Variants in PCDHGA3 observed in about 807,000 individuals in gnomAD.
The protein encoded by PCDHGA3 is protocadherin gamma-A3.
PCDHGA3 carries 40 observed loss-of-function variants against 58.5 expected under a neutral mutation model. That is an observed-to-expected ratio of 0.68 (90% CI 0.53 to 0.89). PCDHGA3 has a LOEUF of 0.89. Ranked by LOEUF, PCDHGA3 falls within the 40% of genes least tolerant of loss-of-function variation. The pLI is 0.00. For synonymous variants in PCDHGA3, 530 were observed against 525.7 expected (o/e 1.01, Z -0.11); for missense variants, 1,223 against 1,195.9 (o/e 1.02, Z -0.33).
At chr5:141,351,856 C>G (rs1177291995) in intron 1 of PCDHGA3, 3 of 1,613,094 alleles carry the variant, frequency 1.9e-6, no homozygotes, top group Non-Finnish European at 1.7e-6. Context: ...AGGCCAGGGA[C>G]CAGGGCTCCC....
chr5:141,445,276 C>T (rs761058385), intron 1 of PCDHGA3, among the ~76,000 whole-genome samples: 1 of 152,218 alleles, frequency 6.6e-6, no homozygotes, highest in Non-Finnish European at 1.5e-5. Flanking sequence ...AACCACTCTG[C>T]ATAAGTTCAG....
intron 1 of PCDHGA3, among the ~76,000 whole-genome samples, chr5:141,397,240 T>C (rs1291416263): frequency 6.6e-6 from 1 of 152,176 alleles, no homozygotes; most frequent in Non-Finnish European, 1.5e-5. Flanking sequence ...AAGAGCAACG[T>C]AGTAGGGTAT....
At chr5:141,352,519 C>G (rs1338121700) in intron 1 of PCDHGA3, 2 of 1,613,892 alleles carry the variant, frequency 1.2e-6, no homozygotes, top group Non-Finnish European at 1.7e-6. Context: ...TATGTATTGC[C>G]TCTCATTCTG....
rs552257647 is a variant in PCDHGA3 at position 141,389,615 on chromosome 5, G to T, written c.2424+43158G>T. The T allele has an allele frequency of 4.3e-6, 7 of 1,612,854 alleles. No homozygotes were observed. In the African/African-American group the frequency reaches 8.0e-5, roughly 18 times the overall value. On this transcript the variant is annotated intron_variant, in intron 1 of 3. Transcript: ENST00000253812. The stretch of plus-strand genomic sequence containing the variant: ...GCTCTGCGCTCTTCGATATGGTGCC[G>T]CACGCTGCAGAGCCTGGCTACTTGG...
chr5:141,449,283 A>C (rs937339676), intron 1 of PCDHGA3, among the ~76,000 whole-genome samples: 1 of 152,102 alleles, frequency 6.6e-6, no homozygotes, highest in African/African-American at 2.4e-5. Flanking sequence ...CTTCACCCGG[A>C]TGCACCGGGT....
chr5:141,506,109 A>G (rs1027886504), intron 3 of PCDHGA3, among the ~76,000 whole-genome samples: 5 of 152,126 alleles, frequency 3.3e-5, no homozygotes, highest in Middle Eastern at 3.2e-3. Flanking sequence ...GTCCCTGAAG[A>G]GTCACTAGGG....
rs112486508 is a variant in PCDHGA3 at position 141,345,956 on chromosome 5, C to T, written c.1923C>T (p.Ser641=). ...TGGACAGAGACGCGCTCAAGCAGAGCCTCGTGGTGGCCGTCCAGGACCACG... is the reference window on the plus strand; with the variant it reads ...TGGACAGAGACGCGCTCAAGCAGAGTCTCGTGGTGGCCGTCCAGGACCACG... ...ALLDRDALKQ[S]LVVAVQDHGQ... Residue 641 remains serine, a synonymous_variant, in exon 1 of 4, where the codon AGC becomes AGT. Coordinates refer to ENST00000253812, the MANE Select transcript of PCDHGA3 (RefSeq NM_018916.4). 0.038 allele frequency: 60,170 copies of T among 1,575,464 alleles called. 1,872 individuals are homozygous for T. Among genetic ancestry groups the T allele is most frequent in the African/African-American group, 0.21 (14,836 of 71,794 alleles).
rs2099718995 is a variant in PCDHGA3 at position 141,491,523 on chromosome 5, G to A, written c.2425-3284G>A. On this transcript the variant is annotated intron_variant, in intron 1 of 3. Transcript: ENST00000253812. This position sits in a 1 kb window ranked among gnomAD's most constrained non-coding sequence, Gnocchi z 6.9. ...CGGACGGCACGCTCAAGTACATGGAGGTGACGCTGCGGCCCACAGACTCGC... is the reference window on the plus strand; with the variant it reads ...CGGACGGCACGCTCAAGTACATGGAAGTGACGCTGCGGCCCACAGACTCGC... The A allele has an allele frequency of 3.1e-6, 5 of 1,613,954 alleles. No individual in the cohort carries two copies. The highest frequency in any genetic ancestry group is 3.4e-6 in the Non-Finnish European group (4 of 1,180,032).
chr5:141,356,494 C>G, intron 1 of PCDHGA3: 1 of 1,613,998 alleles, frequency 6.2e-7, no homozygotes, highest in Non-Finnish European at 8.5e-7. Flanking sequence ...AACTCCTCCA[C>G]TGTCTACAGA....
At chr5:141,453,046 T>C (rs1561950003) in intron 1 of PCDHGA3, among the ~76,000 whole-genome samples, 1 of 152,186 alleles carries the variant, frequency 6.6e-6, no homozygotes, top group Non-Finnish European at 1.5e-5. Context: ...GTTTCTATTA[T>C]GTGCAGTTTT....
chr5:141,372,404 G>C (rs761162819), intron 1 of PCDHGA3: 4 of 1,613,930 alleles, frequency 2.5e-6, no homozygotes, highest in Admixed American at 3.3e-5. Flanking sequence ...GCTTGCAAGA[G>C]ATACAACCTG....
chr5:141,368,108 T>C (rs1244869694), intron 1 of PCDHGA3, among the ~76,000 whole-genome samples: 1 of 152,216 alleles, frequency 6.6e-6, no homozygotes, highest in African/African-American at 2.4e-5. Context: ...TTCAGATGTT[T>C]CTTATTAAAA....
At chr5:141,389,338 T>C in intron 1 of PCDHGA3, 1 of 1,613,982 alleles carries the variant, frequency 6.2e-7, no homozygotes, top group South Asian at 1.1e-5. Flanking sequence ...AACGGCCAAG[T>C]CTCTTACTGC....
rs772000812 is a variant in PCDHGA3, at chr5:141,478,304, C to T, written c.2425-16503C>T. The T allele has an allele frequency of 8.1e-6, 13 of 1,614,108 alleles. No individual in the cohort carries two copies. In the Middle Eastern group the frequency reaches 1.2e-3, roughly 143 times the overall value. On this transcript the variant is annotated intron_variant, in intron 1 of 3. Coordinates refer to ENST00000253812, the MANE Select transcript of PCDHGA3 (RefSeq NM_018916.4). The stretch of plus-strand genomic sequence containing the variant: ...GCAGTCTAGAGACCTATACCGAGCC[C>T]CGGTGAGCTCACTGTACCGAACACC...
chr5:141,355,458 C>A, intron 1 of PCDHGA3: 2 of 1,614,050 alleles, frequency 1.2e-6, no homozygotes, highest in Non-Finnish European at 1.7e-6. Context: ...CCTTGGTCAC[C>A]GCGGGTAGGA....
intron 1 of PCDHGA3, chr5:141,370,205 T>C (rs1766739640): frequency 3.7e-6 from 2 of 547,650 alleles, no homozygotes; most frequent in South Asian, 6.6e-5. Flanking sequence ...GTGCAAAATA[T>C]TGGCTCCTCC....
intron 1 of PCDHGA3, among the ~76,000 whole-genome samples, chr5:141,420,624 CTCAA>C (rs1561789527): frequency 1.3e-5 from 2 of 152,278 alleles, no homozygotes; most frequent in Admixed American, 1.3e-4. Context: ...TCTTCATTTA[CTCAA>C]TAAAGGAACC....
Position 141,491,819 on chromosome 5 carries a change from G to C in PCDHGA3, c.2425-2988G>C. The C allele has an allele frequency of 6.7e-7, 1 of 1,482,028 alleles. No individual in the cohort carries two copies. Among genetic ancestry groups the C allele is most frequent in the Non-Finnish European group, 9.0e-7 (1 of 1,116,648 alleles). The allele number at this position is 1,482,028 out of a possible 1,614,324, so 91.8% of individuals were successfully genotyped here. A position where few individuals can be genotyped will look rare whatever the true frequency, so the allele number is the denominator to read the frequency against. On this transcript the variant is annotated intron_variant, in intron 1 of 3. Transcript: ENST00000253812. This position sits in a 1 kb window ranked among gnomAD's most constrained non-coding sequence, Gnocchi z 6.9. ...TCCGGCCGGCTTGGTCGCTGGCTGCGCTCCACCCGATTCTCGGGATCATTG... is the reference window on the plus strand; with the variant it reads ...TCCGGCCGGCTTGGTCGCTGGCTGCCCTCCACCCGATTCTCGGGATCATTG...
At chr5:141,449,022 A>G (rs2154562454) in intron 1 of PCDHGA3, among the ~76,000 whole-genome samples, 1 of 152,312 alleles carries the variant, frequency 6.6e-6, no homozygotes, top group Admixed American at 6.5e-5. Context: ...GTTGCTTAGC[A>G]TTCCTTTGGA....
Sources: allele counts gnomAD v4.1 joint callset (sites outside exome capture counted in the v4.1 genomes callset), GRCh38; gene constraint gnomAD v4.1.1; non-coding constraint Gnocchi (gnomAD v3.1); transcripts MANE v1.5; gene names NCBI Gene and HGNC (gene_info 2026-07-23, HGNC 2026-07-21).